The following TANC1 variants were observed in gnomAD, a reference collection of about 807,000 sequenced individuals.
The protein encoded by TANC1 is protein TANC1.
Under a neutral mutation model 149.7 loss-of-function variants are expected in TANC1, and 77 were observed. That is an observed-to-expected ratio of 0.51 (90% CI 0.43 to 0.62). The LOEUF is 0.62. Among genes scored for constraint, TANC1 ranks in the 20% least tolerant of loss-of-function variants. TANC1 has a pLI of 0.00. For synonymous variants in TANC1, 854 were observed against 925.0 expected (o/e 0.92, Z 1.39); for missense variants, 1,985 against 2,321.8 (o/e 0.85, Z 2.98).
intron 2 of TANC1, among the ~76,000 whole-genome samples, chr2:159,014,946 G>T: frequency 6.6e-6 from 1 of 152,216 alleles, no homozygotes; most frequent in East Asian, 1.9e-4. Context: ...ATGAGTGTCT[G>T]TGGATTTTCC....
intron 19 of TANC1, among the ~76,000 whole-genome samples, chr2:159,214,470 A>G (rs979379905): frequency 6.6e-6 from 1 of 152,152 alleles, no homozygotes; most frequent in East Asian, 1.9e-4. Flanking sequence ...CATGGTGCAC[A>G]GGCCCCCTGT....
At chr2:159,116,535 C>T (rs1157387714) in intron 4 of TANC1, among the ~76,000 whole-genome samples, 1 of 151,908 alleles carries the variant, frequency 6.6e-6, no homozygotes, top group East Asian at 1.9e-4. Flanking sequence ...CAAACTTTTT[C>T]TGTCAAGGGC....
intron 4 of TANC1, among the ~76,000 whole-genome samples, chr2:159,116,273 A>G (rs2150057084): frequency 6.6e-6 from 1 of 152,166 alleles, no homozygotes; most frequent in East Asian, 1.9e-4. Flanking sequence ...AAAAATACAA[A>G]AAAATTAGCT....
At chr2:159,052,065 G>T (rs1156875791) in intron 2 of TANC1, among the ~76,000 whole-genome samples, 2 of 152,104 alleles carry the variant, frequency 1.3e-5, no homozygotes, top group Non-Finnish European at 2.9e-5. Flanking sequence ...CCAAGCCTTG[G>T]GTACCACATT....
intron 2 of TANC1, among the ~76,000 whole-genome samples, chr2:159,008,014 A>G (rs1004897618): frequency 1.2e-4 from 18 of 152,216 alleles, no homozygotes; most frequent in African/African-American, 4.3e-4. Flanking sequence ...GTGTTTCTGG[A>G]CCTAAAATAT....
In TANC1 at chr2:159,143,611, G is replaced by T. The variant is rs78137167; in HGVS notation, c.365-5531G>T. On this transcript the variant is annotated intron_variant, in intron 5 of 26. Coordinates refer to ENST00000263635, the MANE Select transcript of TANC1 (RefSeq NM_033394.3). The stretch of plus-strand genomic sequence containing the variant: ...GGAAATTGCTGATTGTCAAGTTTTG[G>T]CTGGGTATCAGAGAAGAATTTCTAT... Among the ~76,000 whole-genome samples, 560 of 149,104 alleles carry T rather than the reference G, an allele frequency of 3.8e-3. 1 individual carries two copies. Among genetic ancestry groups the T allele is most frequent in the Non-Finnish European group, 6.2e-3 (420 of 67,526 alleles).
chr2:159,080,102 C>T (rs992604635), intron 3 of TANC1, among the ~76,000 whole-genome samples: 1 of 152,182 alleles, frequency 6.6e-6, no homozygotes, highest in Non-Finnish European at 1.5e-5. Context: ...GACAAATGGG[C>T]ACCCCATGCC....
At chr2:159,155,880 T>C (rs2053377521) in intron 7 of TANC1, among the ~76,000 whole-genome samples, 1 of 152,156 alleles carries the variant, frequency 6.6e-6, no homozygotes, top group Non-Finnish European at 1.5e-5. Context: ...TTCTGCCTAG[T>C]TGCTTAGGAT....
At chr2:159,053,151 A>T (rs2041593972) in intron 2 of TANC1, among the ~76,000 whole-genome samples, 1 of 150,916 alleles carries the variant, frequency 6.6e-6, no homozygotes, top group South Asian at 2.1e-4. Context: ...AAGTCTTAAC[A>T]TATTTGGCCT....
At chr2:159,221,612 T>G (rs1397131728) in intron 22 of TANC1, among the ~76,000 whole-genome samples, 3 of 152,222 alleles carry the variant, frequency 2.0e-5, no homozygotes, top group Non-Finnish European at 4.4e-5. Context: ...CTGGCTTATT[T>G]CACTTAGCCA....
intron 20 of TANC1, among the ~76,000 whole-genome samples, chr2:159,218,963 C>A (rs1303842209): frequency 1.3e-5 from 2 of 152,068 alleles, no homozygotes; most frequent in East Asian, 1.9e-4. Context: ...TGATTGGCAT[C>A]CCTCCTCCCC....
At chr2:159,015,030 C>G (rs539289405) in intron 2 of TANC1, among the ~76,000 whole-genome samples, 43 of 152,326 alleles carry the variant, frequency 2.8e-4, no homozygotes, top group Non-Finnish European at 6.0e-4. Flanking sequence ...TCTCACAGCT[C>G]TACTAGGTGG....
At chr2:158,979,525 T>TA (rs1298427163) in intron 1 of TANC1, among the ~76,000 whole-genome samples, 2 of 151,880 alleles carry the variant, frequency 1.3e-5, no homozygotes, top group Non-Finnish European at 2.9e-5. Context: ...AAAAAAAACT[T>TA]ACCGTTTTCA....
intron 19 of TANC1, among the ~76,000 whole-genome samples, chr2:159,213,996 C>T (rs578026259): frequency 2.6e-5 from 4 of 151,908 alleles, no homozygotes; most frequent in East Asian, 2.0e-4. Context: ...CTTGGGGGCT[C>T]GTGCCTGTAA....
At chr2:159,204,705 G>T (rs2058484643) in intron 19 of TANC1, among the ~76,000 whole-genome samples, 1 of 152,184 alleles carries the variant, frequency 6.6e-6, no homozygotes, top group Admixed American at 6.5e-5. Flanking sequence ...TATCGGAGTT[G>T]GTTAAAAGTG....
At position 159,188,448 on chromosome 2, in the gene TANC1, G is replaced by A. The variant is rs117620650; in HGVS notation, c.2742+1424G>A. 5.0e-4 allele frequency among the ~76,000 whole-genome samples: 76 copies of A among 152,340 alleles called. No individual in the cohort carries two copies. The East Asian group carries it at 0.014, about 29-fold the overall frequency. ...CCAGGATGGGGCCAGCCTGGGCCCC[G>A]CTGGCCCACTGGAGTCCCATCCAGC... On this transcript the variant is annotated intron_variant, in intron 16 of 26. Transcript: ENST00000263635.
rs560309293 is a variant in TANC1 at position 159,213,363 on chromosome 2, G to C, written c.3245-4134G>C. ...CAGAACTGGTTTGTGTAGATTCTCAGAGTATAGATAGGATCACATTGGACC... is the reference window on the plus strand; with the variant it reads ...CAGAACTGGTTTGTGTAGATTCTCACAGTATAGATAGGATCACATTGGACC... On this transcript the variant is annotated intron_variant, in intron 19 of 26. Transcript: ENST00000263635. 5.6e-4 allele frequency among the ~76,000 whole-genome samples: 84 copies of C among 150,806 alleles called. 1 individual carries two copies. The highest frequency in any genetic ancestry group is 1.8e-3 in the African/African-American group (73 of 41,060).
At chr2:159,095,095 A>G (rs2045960687) in intron 3 of TANC1, among the ~76,000 whole-genome samples, 1 of 151,646 alleles carries the variant, frequency 6.6e-6, no homozygotes, top group South Asian at 2.1e-4. Flanking sequence ...ACCGGTGCCC[A>G]CCACCATGCC....
At chr2:159,219,172 G>A (rs1368083980) in intron 20 of TANC1, 66 bp from the exon 21 acceptor site, 1 of 1,601,380 alleles carries the variant, frequency 6.2e-7, no homozygotes, top group East Asian at 2.2e-5. Context: ...TGAGAAACCT[G>A]CCTGGGTATA....
Sources: gnomAD v4.1 joint callset for allele counts (sites outside exome capture counted in the v4.1 genomes callset) on GRCh38, gnomAD v4.1.1 for gene constraint, MANE v1.5 for transcripts, NCBI Gene and HGNC (gene_info 2026-07-23, HGNC 2026-07-21) for gene names.